The following CNTN5 variants were observed in gnomAD, a reference collection of about 807,000 sequenced individuals.
CNTN5 encodes the protein contactin-5.
In CNTN5, 77 loss-of-function variants were observed where a neutral mutation model predicts 129.1. That is an observed-to-expected ratio of 0.60 (90% CI 0.50 to 0.72). CNTN5 has a LOEUF of 0.72. Among genes scored for constraint, CNTN5 ranks in the 30% least tolerant of loss-of-function variants. CNTN5 has a pLI of 0.00. For synonymous variants in CNTN5, 509 were observed against 465.6 expected (o/e 1.09, Z -1.20); for missense variants, 1,478 against 1,328.8 (o/e 1.11, Z -1.75).
At chr11:99,390,805 T>C (rs1020973566) in intron 2 of CNTN5, among the ~76,000 whole-genome samples, 6 of 152,146 alleles carry the variant, frequency 3.9e-5, no homozygotes, top group Non-Finnish European at 8.8e-5. Flanking sequence ...GTACCCATCA[T>C]ATCATAAATT....
chr11:99,633,564 C>T (rs957447756), intron 3 of CNTN5, among the ~76,000 whole-genome samples: 3 of 151,868 alleles, frequency 2.0e-5, no homozygotes, highest in Admixed American at 6.6e-5. Context: ...ATTTATCAAG[C>T]AGCTTCTACA....
intron 1 of CNTN5, among the ~76,000 whole-genome samples, chr11:99,269,483 C>A (rs894126120): frequency 6.6e-6 from 1 of 151,598 alleles, no homozygotes. Flanking sequence ...TAGAACATAC[C>A]AGTTTTTATT....
Position 100,308,443 on chromosome 11 carries a change from G to A in CNTN5, c.2705G>A (p.Ser902Asn). ...GTTGCATGGAAACACATTAAAGAGA[G>A]TCTAGGAAGACCACAGGGATTTGAG... ...ILVAWKHIKE[S>N]LGRPQGFEVG... is the part of the protein sequence containing the mutation. The change falls in exon 21 of 25, where the codon AGT (serine) becomes AAT (asparagine). Residue 902 changes from serine (S) to asparagine (N), a missense_variant. Physicochemically the swap from Ser to Asn is conservative, Grantham distance 46 (BLOSUM62 1). Transcript: ENST00000524871. 6.2e-7 allele frequency: 1 copy of A among 1,610,664 alleles called. No individual in the cohort carries two copies. The highest frequency in any genetic ancestry group is 8.5e-7 in the Non-Finnish European group (1 of 1,177,742).
At chr11:100,332,355 A>T (rs1005851411) in intron 21 of CNTN5, among the ~76,000 whole-genome samples, 2 of 145,318 alleles carry the variant, frequency 1.4e-5, no homozygotes, top group African/African-American at 4.9e-5. Context: ...AATTGCCAAC[A>T]AAAAAAAAGT....
intron 1 of CNTN5, among the ~76,000 whole-genome samples, chr11:99,139,247 G>A (rs749126325): frequency 6.6e-6 from 1 of 152,090 alleles, no homozygotes; most frequent in Non-Finnish European, 1.5e-5. Context: ...ACTTCACCCT[G>A]CATGACAGAA....
intron 3 of CNTN5, among the ~76,000 whole-genome samples, chr11:99,643,911 C>T (rs918027282): frequency 9.9e-5 from 15 of 152,116 alleles, no homozygotes; most frequent in Non-Finnish European, 1.6e-4. Flanking sequence ...GTGGCTTTAA[C>T]AAATTTCAGT....
intron 1 of CNTN5, among the ~76,000 whole-genome samples, chr11:99,073,374 GTTT>G (rs750531770): frequency 6.5e-5 from 4 of 61,188 alleles, no homozygotes; most frequent in East Asian, 1.3e-3. Flanking sequence ...TTATGGTTTG[GTTT>G]TTTTTTTTTT....
At chr11:99,807,281 T>C (rs1351554600) in intron 3 of CNTN5, among the ~76,000 whole-genome samples, 1 of 152,184 alleles carries the variant, frequency 6.6e-6, no homozygotes, top group Non-Finnish European at 1.5e-5. Flanking sequence ...AAAACAGTTT[T>C]AGCAGTAGCT....
intron 3 of CNTN5, among the ~76,000 whole-genome samples, chr11:99,649,050 T>G (rs1409699349): frequency 6.6e-6 from 1 of 151,636 alleles, no homozygotes; most frequent in Non-Finnish European, 1.5e-5. Flanking sequence ...AGAGAAGATA[T>G]TGAAAGTTCC....
rs555002537 is a variant in CNTN5, at chr11:99,476,493, C to T, written c.-70-79652C>T. Reference sequence around the variant, plus strand: ...ACTTCATGAGTTATGATGCATATCACGTAGATTTGTGATAGGAAATTATAG... The same window carrying T: ...ACTTCATGAGTTATGATGCATATCATGTAGATTTGTGATAGGAAATTATAG... On this transcript the variant is annotated intron_variant, in intron 2 of 24. Transcript: ENST00000524871. Among the ~76,000 whole-genome samples the T allele has an allele frequency of 3.3e-5, 5 of 152,174 alleles. No homozygotes were observed. The South Asian group carries it at 6.2e-4, about 19-fold the overall frequency.
chr11:99,358,741 G>A (rs925297796), intron 2 of CNTN5, among the ~76,000 whole-genome samples: 3 of 152,018 alleles, frequency 2.0e-5, no homozygotes, highest in Non-Finnish European at 2.9e-5. Context: ...CCAAGTGCTA[G>A]ATTATATATG....
intron 8 of CNTN5, among the ~76,000 whole-genome samples, chr11:99,974,133 G>T (rs1049457923): frequency 6.6e-6 from 1 of 152,210 alleles, no homozygotes; most frequent in Non-Finnish European, 1.5e-5. Context: ...CAGCCACTAT[G>T]CTAAAAGCAT....
intron 3 of CNTN5, among the ~76,000 whole-genome samples, chr11:99,817,354 G>T (rs1248743536): frequency 6.6e-6 from 1 of 152,164 alleles, no homozygotes; most frequent in African/African-American, 2.4e-5. Flanking sequence ...GGCGTAGTGC[G>T]CTTAGCCAAA....
intron 8 of CNTN5, among the ~76,000 whole-genome samples, chr11:99,995,411 C>G (rs893851635): frequency 3.3e-5 from 5 of 151,890 alleles, no homozygotes; most frequent in African/African-American, 1.2e-4. Flanking sequence ...CTAAACTTAT[C>G]CATATGCTTT....
intron 13 of CNTN5, among the ~76,000 whole-genome samples, chr11:100,159,353 TATA>T (rs1947362679): frequency 6.6e-6 from 1 of 151,884 alleles, no homozygotes; most frequent in Non-Finnish European, 1.5e-5. Flanking sequence ...TCTTCTTGGA[TATA>T]ATGTTAAATT....
At chr11:100,017,836 G>A (rs1940912954) in intron 9 of CNTN5, among the ~76,000 whole-genome samples, 1 of 135,210 alleles carries the variant, frequency 7.4e-6, no homozygotes, top group Non-Finnish European at 1.6e-5. Flanking sequence ...GCTAGTCCAG[G>A]AGAATCCCTC....
chr11:99,674,654 G>A (rs1268974971), intron 3 of CNTN5, among the ~76,000 whole-genome samples: 1 of 152,058 alleles, frequency 6.6e-6, no homozygotes, highest in East Asian at 1.9e-4. Flanking sequence ...ACAAAGTAGA[G>A]GAACTCATGC....
At chr11:99,420,873 G>C (rs1286034606) in intron 2 of CNTN5, among the ~76,000 whole-genome samples, 2 of 151,996 alleles carry the variant, frequency 1.3e-5, no homozygotes, top group African/African-American at 4.8e-5. Flanking sequence ...AGAGAACCTG[G>C]GAATTCTCAG....
At chr11:99,377,889 C>T (rs1398801046) in intron 2 of CNTN5, among the ~76,000 whole-genome samples, 1 of 152,096 alleles carries the variant, frequency 6.6e-6, no homozygotes, top group Non-Finnish European at 1.5e-5. Flanking sequence ...TGCAGCACAA[C>T]TTTAACACTT....
Sources: allele counts gnomAD v4.1 joint callset (sites outside exome capture counted in the v4.1 genomes callset), GRCh38; gene constraint gnomAD v4.1.1; transcripts MANE v1.5; gene names NCBI Gene and HGNC (gene_info 2026-07-23, HGNC 2026-07-21).